Variants in CWC27 observed in about 807,000 individuals in gnomAD.
The protein encoded by CWC27 is CWC27 spliceosome associated cyclophilin.
Under a neutral mutation model 63.6 loss-of-function variants are expected in CWC27, and 47 were observed. That is an observed-to-expected ratio of 0.74 (90% CI 0.58 to 0.94). The LOEUF is 0.94. CWC27 is among the 40% of genes least tolerant of loss of function. The pLI is 0.00. For missense variants in CWC27, 495 were observed against 554.3 expected (o/e 0.89, Z 1.07); for synonymous variants, 175 against 179.8 (o/e 0.97, Z 0.22).
chr5:64,774,633 A>G, intron 1 of CWC27, 58 bp from the exon 2 acceptor site: 1 of 1,013,272 alleles, frequency 9.9e-7, no homozygotes, highest in Non-Finnish European at 1.4e-6. Context: ...TCAAATAGTT[A>G]TTCAACTGAT....
rs200934564 is a variant in CWC27 at position 65,004,398 on chromosome 5, T to G, written c.1257-13761T>G. On this transcript the variant is annotated intron_variant, in intron 13 of 13. Transcript: ENST00000381070. Reference sequence around the variant, plus strand: ...ATAGGCTTTTTTTTTTTTTTTTTTTTGGTGGGGGGGTGGTCTGATTTGGTA... The same window carrying G: ...ATAGGCTTTTTTTTTTTTTTTTTTTGGGTGGGGGGGTGGTCTGATTTGGTA... 9.1e-3 allele frequency among the ~76,000 whole-genome samples: 909 copies of G among 99,638 alleles called. 4 individuals are homozygous for G. Among genetic ancestry groups the G allele is most frequent in the Non-Finnish European group, 0.014 (668 of 49,478 alleles). The allele number at this position is 99,638 out of a possible 152,430, so 65.4% of individuals were successfully genotyped here. A position where few individuals can be genotyped will look rare whatever the true frequency, so the allele number is the denominator to read the frequency against.
intron 10 of CWC27, among the ~76,000 whole-genome samples, chr5:64,878,249 G>A (rs1377393851): frequency 6.6e-6 from 1 of 151,516 alleles, no homozygotes; most frequent in Non-Finnish European, 1.5e-5. Flanking sequence ...AATGCTATAA[G>A]TTGACATTAG....
chr5:64,981,101 CA>C (rs1159847700), intron 13 of CWC27, among the ~76,000 whole-genome samples: 1 of 151,548 alleles, frequency 6.6e-6, no homozygotes, highest in African/African-American at 2.4e-5. Context: ...CAAAAAAAAA[CA>C]AAAAAATGTT....
chr5:64,769,808 G>T (rs897567246), intron 1 of CWC27, among the ~76,000 whole-genome samples: 4 of 152,182 alleles, frequency 2.6e-5, no homozygotes, highest in African/African-American at 9.7e-5. Context: ...AACCTGAGAT[G>T]ACTGTCAGTC....
intron 11 of CWC27, among the ~76,000 whole-genome samples, chr5:64,952,280 A>G (rs1278116368): frequency 6.6e-6 from 1 of 152,032 alleles, no homozygotes; most frequent in African/African-American, 2.4e-5. Context: ...ATTTTGATCT[A>G]CAGTTGGTTG....
chr5:64,993,383 ATC>A (rs1208960395), intron 13 of CWC27, among the ~76,000 whole-genome samples: 1 of 152,230 alleles, frequency 6.6e-6, no homozygotes, highest in Admixed American at 6.5e-5. Context: ...CAGTTATGTT[ATC>A]TATGACCTAG....
intron 11 of CWC27, among the ~76,000 whole-genome samples, chr5:64,923,852 A>G (rs1748049642): frequency 1.3e-5 from 2 of 151,816 alleles, no homozygotes; most frequent in South Asian, 4.2e-4. Context: ...CTTCATAATA[A>G]TAATTCCCAG....
intron 7 of CWC27, among the ~76,000 whole-genome samples, chr5:64,792,998 A>G (rs10058256): frequency 0.52 from 78,897 of 151,980 alleles, 21,177 homozygotes; most frequent in East Asian, 0.85. Flanking sequence ...TATACTATAC[A>G]TTATAACTGG....
intron 11 of CWC27, among the ~76,000 whole-genome samples, chr5:64,945,097 C>A (rs567311461): frequency 6.6e-6 from 1 of 152,232 alleles, no homozygotes; most frequent in South Asian, 2.1e-4. Flanking sequence ...CTTTTCTGGA[C>A]TGTGGTTCCT....
chr5:65,017,961 A>G (rs535463405), intron 13 of CWC27, among the ~76,000 whole-genome samples, 198 bp from the exon 14 acceptor site: 1 of 152,382 alleles, frequency 6.6e-6, no homozygotes, highest in East Asian at 1.9e-4. Flanking sequence ...AACCAGCAGA[A>G]CAAACTCCAG....
chr5:64,801,109 T>A (rs1744470536), intron 8 of CWC27, among the ~76,000 whole-genome samples, 193 bp from the exon 9 acceptor site: 1 of 152,202 alleles, frequency 6.6e-6, no homozygotes, highest in Non-Finnish European at 1.5e-5. Flanking sequence ...TAATGAATCA[T>A]ACTTATTCCA....
chr5:64,890,214 T>G (rs1747196401), intron 11 of CWC27, among the ~76,000 whole-genome samples: 2 of 152,166 alleles, frequency 1.3e-5, no homozygotes, highest in Admixed American at 1.3e-4. Flanking sequence ...AGAAAAAATT[T>G]TAAAGCCTTT....
intron 10 of CWC27, among the ~76,000 whole-genome samples, chr5:64,858,209 CAGCACTTT>C (rs1359001939): frequency 1.4e-5 from 2 of 144,586 alleles, no homozygotes; most frequent in African/African-American, 5.1e-5. Flanking sequence ...CCTGTAATCC[CAGCACTTT>C]GTGGGGCCGA....
chr5:64,802,352 G>T (rs1327248890), intron 9 of CWC27, among the ~76,000 whole-genome samples: 1 of 152,162 alleles, frequency 6.6e-6, no homozygotes, highest in Non-Finnish European at 1.5e-5. Flanking sequence ...CGTGAACAGG[G>T]TGTGGTGACA....
chr5:65,015,558 T>C (rs1750035754), intron 13 of CWC27, among the ~76,000 whole-genome samples: 1 of 152,190 alleles, frequency 6.6e-6, no homozygotes, highest in African/African-American at 2.4e-5. Context: ...GCCCCCGATG[T>C]GTGGTAAAGT....
chr5:64,907,321 T>C (rs2112372746), intron 11 of CWC27, among the ~76,000 whole-genome samples: 1 of 152,338 alleles, frequency 6.6e-6, no homozygotes, highest in Middle Eastern at 3.4e-3. Context: ...CTTCCATTTG[T>C]TTGTATCCTC....
chr5:64,823,382 T>C (rs920989167), intron 10 of CWC27, among the ~76,000 whole-genome samples: 2 of 152,238 alleles, frequency 1.3e-5, no homozygotes, highest in Non-Finnish European at 2.9e-5. Flanking sequence ...TAAGCCTATA[T>C]GGCAACCAGA....
chr5:64,983,782 T>C (rs1309850602), intron 13 of CWC27, among the ~76,000 whole-genome samples: 1 of 152,230 alleles, frequency 6.6e-6, no homozygotes, highest in Non-Finnish European at 1.5e-5. Context: ...TGTTTACTTT[T>C]CTAAATTTTT....
intron 10 of CWC27, among the ~76,000 whole-genome samples, chr5:64,847,909 A>G (rs1363307420): frequency 6.6e-6 from 1 of 152,028 alleles, no homozygotes; most frequent in East Asian, 1.9e-4. Flanking sequence ...AGCAAAAAAA[A>G]AATATCAAAA....
Sources: allele counts gnomAD v4.1 joint callset (sites outside exome capture counted in the v4.1 genomes callset), GRCh38; gene constraint gnomAD v4.1.1; transcripts MANE v1.5; gene names NCBI Gene and HGNC (gene_info 2026-07-23, HGNC 2026-07-21).